Variants in PTPRR observed in about 807,000 individuals in gnomAD.
PTPRR encodes protein tyrosine phosphatase receptor type R.
In PTPRR, 38 loss-of-function variants were observed where a neutral mutation model predicts 77.2. The ratio of observed to expected loss-of-function variants is 0.49; its 90% CI spans 0.38 to 0.65. The LOEUF (loss-of-function observed/expected upper bound fraction) is 0.65, where lower values mean the gene tolerates loss of function less well. PTPRR is among the 30% of genes least tolerant of loss of function. PTPRR has a pLI of 0.00. For synonymous variants in PTPRR, 299 were observed against 283.1 expected (o/e 1.06, Z -0.57); for missense variants, 744 against 799.2 (o/e 0.93, Z 0.83).
intron 2 of PTPRR, among the ~76,000 whole-genome samples, chr12:70,777,384 T>C (rs906895321): frequency 6.6e-6 from 1 of 152,110 alleles, no homozygotes; most frequent in Non-Finnish European, 1.5e-5. Flanking sequence ...CATGTCTATA[T>C]TATAACATAA....
At chr12:70,771,785 A>T (rs1016893729) in intron 2 of PTPRR, among the ~76,000 whole-genome samples, 4 of 152,164 alleles carry the variant, frequency 2.6e-5, no homozygotes, top group Admixed American at 1.3e-4. Flanking sequence ...TGTAAGTTCC[A>T]TAAGGCCTGT....
At position 70,892,871 on chromosome 12, in the gene PTPRR, A is replaced by G; in HGVS notation, c.165T>C (p.Asp55=). The G allele has an allele frequency of 6.2e-7, 1 of 1,613,540 alleles. No homozygotes were observed. Among genetic ancestry groups the G allele is most frequent in the Non-Finnish European group, 8.5e-7 (1 of 1,179,636 alleles). Residue 55 remains aspartate, a synonymous_variant, in exon 2 of 14, where the codon GAT becomes GAC. Transcript: ENST00000283228. ...GTCTGTAGATTTTTTGTGGGGCTAT[A>G]TCCAGGCTCTTCTCAATGTCTTGTG... is the stretch of plus-strand genomic sequence containing the variant. ...KHSQDIEKSL[D]IAPQKIYRHS...
chr12:70,872,475 C>T (rs545137743), intron 2 of PTPRR, among the ~76,000 whole-genome samples: 138 of 152,026 alleles, frequency 9.1e-4, no homozygotes, highest in African/African-American at 3.2e-3. Flanking sequence ...GCAGGCGGAT[C>T]ATGAGGTCAG....
chr12:70,722,265 T>C (rs754356728), intron 6 of PTPRR, among the ~76,000 whole-genome samples: 2 of 152,154 alleles, frequency 1.3e-5, no homozygotes, highest in African/African-American at 2.4e-5. Context: ...GCCTATCCGG[T>C]CCAACATACC....
chr12:70,867,812 C>T lies in PTPRR; in HGVS notation c.357+24867G>A, dbSNP rs1339701590. ...TACTACAAGGCTACAGTAACCAAAA[C>T]AGCATTGTACTGGTACCAAAACAGA... On this transcript the variant is annotated intron_variant, in intron 2 of 13. Coordinates refer to ENST00000283228, the MANE Select transcript of PTPRR (RefSeq NM_002849.4). Among the ~76,000 whole-genome samples, 4 of 152,264 alleles carry T rather than the reference C, an allele frequency of 2.6e-5. No homozygotes were observed. In the South Asian group the frequency reaches 8.3e-4, roughly 32 times the overall value.
intron 2 of PTPRR, among the ~76,000 whole-genome samples, chr12:70,830,808 C>T (rs916632449): frequency 1.3e-5 from 2 of 152,162 alleles, no homozygotes; most frequent in African/African-American, 2.4e-5. Flanking sequence ...TCTATGCATG[C>T]AAATGACCTG....
chr12:70,883,637 A>G (rs980927672), intron 2 of PTPRR, among the ~76,000 whole-genome samples: 1 of 152,064 alleles, frequency 6.6e-6, no homozygotes, highest in African/African-American at 2.4e-5. Context: ...TCATTTTTTG[A>G]GTTTTTTTAA....
chr12:70,821,932 G>A (rs1892022221), intron 2 of PTPRR, among the ~76,000 whole-genome samples: 1 of 152,170 alleles, frequency 6.6e-6, no homozygotes, highest in African/African-American at 2.4e-5. Context: ...CCAAAGTGCT[G>A]GGATTACAGG....
At chr12:70,805,722 A>T (rs1201089994) in intron 2 of PTPRR, among the ~76,000 whole-genome samples, 2 of 152,234 alleles carry the variant, frequency 1.3e-5, no homozygotes, top group African/African-American at 4.8e-5. Context: ...TCCTTGCAAC[A>T]ACCAAATGTG....
chr12:70,834,020 G>T (rs1473115519), intron 2 of PTPRR, among the ~76,000 whole-genome samples: 1 of 152,198 alleles, frequency 6.6e-6, no homozygotes, highest in South Asian at 2.1e-4. Flanking sequence ...TAGGGAACAG[G>T]AACTTTGCGT....
chr12:70,814,329 T>C lies in PTPRR; in HGVS notation c.358-49551A>G, dbSNP rs1004089972. ...GGGAGGGCTTGCCCTTAAGATTGTG[T>C]GGGAGGGGAAGGGTGGTCACCTTGG... On this transcript the variant is annotated intron_variant, in intron 2 of 13. Transcript: ENST00000283228. Among the ~76,000 whole-genome samples the C allele has an allele frequency of 8.5e-5, 13 of 152,198 alleles. 1 individual carries two copies. Among genetic ancestry groups the C allele is most frequent in the African/African-American group, 2.4e-4 (10 of 41,528 alleles).
rs185471233 is a variant in PTPRR, at chr12:70,692,072, C to A, written c.1279+6193G>T. Among the ~76,000 whole-genome samples the A allele has an allele frequency of 3.9e-3, 589 of 152,134 alleles. 19 individuals are homozygous for A. Among genetic ancestry groups the A allele is most frequent in the Non-Finnish European group, 7.6e-4 (52 of 67,992 alleles). On this transcript the variant is annotated intron_variant, in intron 8 of 13. Transcript: ENST00000283228. ...ATCTTTTACAAAAAGAGGTTAGTAC[C>A]CAAATAAATATGGGAAACATTGGGT...
intron 2 of PTPRR, among the ~76,000 whole-genome samples, chr12:70,866,915 G>C (rs933028201): frequency 2.4e-3 from 365 of 151,742 alleles, no homozygotes; most frequent in African/African-American, 8.3e-3. Flanking sequence ...CATATAAACA[G>C]AACCAAAGAC....
chr12:70,735,460 C>T (rs1448429515), intron 6 of PTPRR, among the ~76,000 whole-genome samples: 1 of 152,142 alleles, frequency 6.6e-6, no homozygotes. Context: ...GACTTATTCA[C>T]TATCATGAGA....
intron 10 of PTPRR, among the ~76,000 whole-genome samples, chr12:70,667,487 A>G (rs894729531): frequency 2.6e-5 from 4 of 152,132 alleles, no homozygotes; most frequent in African/African-American, 9.7e-5. Flanking sequence ...GTTACCCATG[A>G]AATGAAATTA....
At chr12:70,902,923 A>G (rs1479392319) in intron 1 of PTPRR, among the ~76,000 whole-genome samples, 1 of 151,804 alleles carries the variant, frequency 6.6e-6, no homozygotes, top group Non-Finnish European at 1.5e-5. Context: ...ATAATGTAAT[A>G]CTATTCAGTC....
At chr12:70,819,576 A>C (rs1891967942) in intron 2 of PTPRR, among the ~76,000 whole-genome samples, 2 of 152,216 alleles carry the variant, frequency 1.3e-5, no homozygotes, top group African/African-American at 2.4e-5. Context: ...CCAGTAAGTC[A>C]CTATTCTCTC....
At chr12:70,800,975 C>T (rs866149231) in intron 2 of PTPRR, among the ~76,000 whole-genome samples, 14 of 151,988 alleles carry the variant, frequency 9.2e-5, no homozygotes, top group Middle Eastern at 3.5e-3. Context: ...CCCCACAAAC[C>T]CCACCACACA....
At chr12:70,805,907 T>A (rs1891701960) in intron 2 of PTPRR, among the ~76,000 whole-genome samples, 1 of 152,124 alleles carries the variant, frequency 6.6e-6, no homozygotes, top group African/African-American at 2.4e-5. Flanking sequence ...TTAGAAAAAT[T>A]ATGTATATGT....
Sources: gnomAD v4.1 joint callset for allele counts (sites outside exome capture counted in the v4.1 genomes callset) on GRCh38, gnomAD v4.1.1 for gene constraint, MANE v1.5 for transcripts, NCBI Gene and HGNC (gene_info 2026-07-23, HGNC 2026-07-21) for gene names.